The following DNAJA3 variants were observed in gnomAD, a reference collection of about 807,000 sequenced individuals.
DNAJA3 encodes dnaJ homolog subfamily A member 3, mitochondrial.
In DNAJA3, 29 loss-of-function variants were observed where a neutral mutation model predicts 54.9. The ratio of observed to expected loss-of-function variants is 0.53; its 90% CI spans 0.39 to 0.72. DNAJA3 has a LOEUF of 0.72. Among genes scored for constraint, DNAJA3 ranks in the 30% least tolerant of loss-of-function variants. The pLI is 0.00. For synonymous variants in DNAJA3, 302 were observed against 251.4 expected, an observed-to-expected ratio of 1.20 and a Z score of -1.90; for missense variants, 708 against 639.4, an observed-to-expected ratio of 1.11 and a Z score of -1.16.
intron 8 of DNAJA3, 106 bp downstream of exon 8, chr16:4,447,120 TG>T (rs932906969): frequency 1.2e-5 from 16 of 1,370,722 alleles, no homozygotes; most frequent in African/African-American, 4.4e-5. Context: ...GACCAGCATG[TG>T]GGGGGGCACT....
At position 4,455,731 on chromosome 16, in the gene DNAJA3, C is replaced by T. The variant is rs1381597447; in HGVS notation, c.*199C>T. ...CACGGAAAGGTCACAGTGGACAGCC[C>T]GGGCAGTAGGATGCAGCCCCAGAGG... On this transcript the variant is annotated 3_prime_UTR_variant, in exon 12 of 12. Transcript: ENST00000262375. 7 of 768,828 alleles carry T rather than the reference C, an allele frequency of 9.1e-6. No homozygotes were observed. Among genetic ancestry groups the T allele is most frequent in the East Asian group, 5.4e-5 (2 of 37,206 alleles). 47.6% of individuals were successfully genotyped at this position (768,828 alleles called of 1,614,324 possible). A position where few individuals can be genotyped will look rare whatever the true frequency, so the allele number is the denominator to read the frequency against.
In DNAJA3 at chr16:4,425,875, G is replaced by A. The variant is rs2141362331; in HGVS notation, c.-7G>A. 1 of 1,527,096 alleles carries A rather than the reference G, an allele frequency of 6.5e-7. No individual in the cohort carries two copies. Among genetic ancestry groups the A allele is most frequent in the Middle Eastern group, 2.3e-4 (1 of 4,338 alleles). The allele number at this position is 1,527,096 out of a possible 1,614,324, so 94.6% of individuals were successfully genotyped here. ...GGGCGGCGCAGGCGCAGAGTCCCCGGGCCAAGATGGCTGCGCGGTGCTCCA... is the reference window on the plus strand; with the variant it reads ...GGGCGGCGCAGGCGCAGAGTCCCCGAGCCAAGATGGCTGCGCGGTGCTCCA... On this transcript the variant is annotated 5_prime_UTR_variant, in exon 1 of 12. Transcript: ENST00000262375.
rs148256704 is a variant in DNAJA3, at chr16:4,455,693, C to G, written c.*161C>G. ...CCTTGGCAACAGCAAAATCATGGGA[C>G]AACACCTCTCTCCACGGAAAGGTCA... On this transcript the variant is annotated 3_prime_UTR_variant, in exon 12 of 12. Coordinates refer to ENST00000262375, the MANE Select transcript of DNAJA3 (RefSeq NM_005147.6). 10 of 1,063,194 alleles carry G rather than the reference C, an allele frequency of 9.4e-6. No individual in the cohort carries two copies. In the African/African-American group the frequency reaches 1.6e-4, roughly 17 times the overall value. 65.9% of individuals were successfully genotyped at this position (1,063,194 alleles called of 1,614,324 possible).
chr16:4,454,541 C>T (rs1401690461), intron 10 of DNAJA3, among the ~76,000 whole-genome samples: 1 of 152,184 alleles, frequency 6.6e-6, no homozygotes, highest in Non-Finnish European at 1.5e-5. Context: ...TGTCATAGTC[C>T]GTCTCTATTT....
intron 6 of DNAJA3, 133 bp downstream of exon 6, chr16:4,443,297 T>A: frequency 8.6e-7 from 1 of 1,161,906 alleles, no homozygotes; most frequent in Non-Finnish European, 1.2e-6. Flanking sequence ...GTAGAAGTTA[T>A]GGTTGAGGCC....
At position 4,445,944 on chromosome 16, in the gene DNAJA3, G is replaced by T. The variant is rs1045917325; in HGVS notation, c.997-942G>T. 4.7e-5 allele frequency among the ~76,000 whole-genome samples: 7 copies of T among 150,504 alleles called. 1 individual carries two copies. Among genetic ancestry groups the T allele is most frequent in the Admixed American group, 2.7e-4 (4 of 14,982 alleles). On this transcript the variant is annotated intron_variant, in intron 7 of 11. Transcript: ENST00000262375. Reference sequence around the variant, plus strand: ...TTTTTTTCTTTTTTTTTTCTGGAAAGAGAGTCTTGCTCTGTTGCCCAGTCT... The same window carrying T: ...TTTTTTTCTTTTTTTTTTCTGGAAATAGAGTCTTGCTCTGTTGCCCAGTCT...
At chr16:4,435,349 T>C (rs1232678509) in intron 2 of DNAJA3, among the ~76,000 whole-genome samples, 2 of 152,100 alleles carry the variant, frequency 1.3e-5, no homozygotes, top group Non-Finnish European at 2.9e-5. Context: ...AAATCAATAT[T>C]GGAGGCACCA....
intron 11 of DNAJA3, 90 bp downstream of exon 11, chr16:4,455,017 A>C: frequency 1.1e-6 from 1 of 895,718 alleles, no homozygotes. Context: ...TTGTGCCCCC[A>C]CCCCCAGGAG....
In DNAJA3 at chr16:4,456,398, C is replaced by G. The variant is rs2057036142; in HGVS notation, c.*866C>G. On this transcript the variant is annotated 3_prime_UTR_variant, in exon 12 of 12. Coordinates refer to ENST00000262375, the MANE Select transcript of DNAJA3 (RefSeq NM_005147.6). ...TGTTGCTAGTCAGGGGCTTGGTTCTCCCACTTACACTGTTGACATCTATTT... is the reference window on the plus strand; with the variant it reads ...TGTTGCTAGTCAGGGGCTTGGTTCTGCCACTTACACTGTTGACATCTATTT... The G allele has an allele frequency of 6.6e-6, 1 of 152,464 alleles. No individual in the cohort carries two copies. Among genetic ancestry groups the G allele is most frequent in the African/African-American group, 2.4e-5 (1 of 41,452 alleles). 9.4% of individuals were successfully genotyped at this position (152,464 alleles called of 1,614,324 possible). A position where few individuals can be genotyped will look rare whatever the true frequency, so the allele number is the denominator to read the frequency against.
chr16:4,453,340 G>T (rs1372608412), intron 10 of DNAJA3, among the ~76,000 whole-genome samples: 1 of 152,156 alleles, frequency 6.6e-6, no homozygotes, highest in East Asian at 1.9e-4. Flanking sequence ...GGATAAACAG[G>T]TCCATCTTCT....
intron 1 of DNAJA3, among the ~76,000 whole-genome samples, chr16:4,429,090 G>GT (rs1369313543): frequency 6.6e-6 from 1 of 151,718 alleles, no homozygotes; most frequent in African/African-American, 2.4e-5. Flanking sequence ...GAGTTTCACT[G>GT]TGTTAGCCAG....
intron 6 of DNAJA3, among the ~76,000 whole-genome samples, chr16:4,443,687 C>CTTTTTTTTTTTTTT (rs34123742): frequency 6.7e-6 from 1 of 149,108 alleles, no homozygotes. Context: ...CCTCCCTGTT[C>CTTTTTTTTTTTTTT]TTTTTTTTTT....
intron 1 of DNAJA3, chr16:4,432,006 C>G (rs1471271834): frequency 6.6e-6 from 1 of 152,002 alleles, no homozygotes; most frequent in Admixed American, 6.6e-5. Flanking sequence ...TCCTAGGCCC[C>G]ATTAATCGTT....
At position 4,447,025 on chromosome 16, in the gene DNAJA3, G is replaced by T. The variant is rs767912888; in HGVS notation, c.1125+11G>T. 2.5e-6 allele frequency: 4 copies of T among 1,611,646 alleles called. No homozygotes were observed. On this transcript the variant is annotated intron_variant, in intron 8 of 11. Transcript: ENST00000262375. Reference sequence around the variant, plus strand: ...ACGATCAACGTGACGGTAAGAGGGTGTGAGAACACCTTTGTCACCCCTGTA... The same window carrying T: ...ACGATCAACGTGACGGTAAGAGGGTTTGAGAACACCTTTGTCACCCCTGTA...
intron 2 of DNAJA3, among the ~76,000 whole-genome samples, chr16:4,437,006 C>T (rs897275927): frequency 2.0e-5 from 3 of 151,686 alleles, no homozygotes; most frequent in Non-Finnish European, 4.4e-5. Context: ...AATCTCACTC[C>T]GTCACCTAGG....
At chr16:4,429,796 T>C (rs1335452897) in intron 1 of DNAJA3, among the ~76,000 whole-genome samples, 2 of 151,862 alleles carry the variant, frequency 1.3e-5, no homozygotes, top group Non-Finnish European at 2.9e-5. Flanking sequence ...TTAGCGCCAT[T>C]GCACTCCAGC....
chr16:4,455,566 T>G lies in DNAJA3; in HGVS notation c.*34T>G. 6.4e-7 allele frequency: 1 copy of G among 1,551,694 alleles called. No individual in the cohort carries two copies. The highest frequency in any genetic ancestry group is 1.2e-5 in the South Asian group (1 of 84,060). Reference sequence around the variant, plus strand: ...CTCAGGAAAAAGATCCACTGGAAACTAGGCCGGGAAGCAGCAGCCCCTCCA... The same window carrying G: ...CTCAGGAAAAAGATCCACTGGAAACGAGGCCGGGAAGCAGCAGCCCCTCCA... On this transcript the variant is annotated 3_prime_UTR_variant, in exon 12 of 12. Transcript: ENST00000262375.
chr16:4,429,157 G>A, intron 1 of DNAJA3, among the ~76,000 whole-genome samples: 1 of 151,628 alleles, frequency 6.6e-6, no homozygotes, highest in East Asian at 1.9e-4. Context: ...AAAGTGCTGG[G>A]ATTACAGGTG....
chr16:4,455,648 C>T lies in DNAJA3; in HGVS notation c.*116C>T. The T allele has an allele frequency of 1.3e-6, 2 of 1,501,112 alleles. No individual in the cohort carries two copies. Among genetic ancestry groups the T allele is most frequent in the Non-Finnish European group, 1.8e-6 (2 of 1,101,546 alleles). The allele number at this position is 1,501,112 out of a possible 1,614,324, so 93.0% of individuals were successfully genotyped here. A position where few individuals can be genotyped will look rare whatever the true frequency, so the allele number is the denominator to read the frequency against. The stretch of plus-strand genomic sequence containing the variant: ...CCAGAACAGCAGCACTGAGCTCCCA[C>T]CCGCAGAGCCTCTGGACGGCCTTGG... On this transcript the variant is annotated 3_prime_UTR_variant, in exon 12 of 12. Coordinates refer to ENST00000262375, the MANE Select transcript of DNAJA3 (RefSeq NM_005147.6).
Sources: allele counts gnomAD v4.1 joint callset (sites outside exome capture counted in the v4.1 genomes callset), GRCh38; gene constraint gnomAD v4.1.1; transcripts MANE v1.5; gene names NCBI Gene and HGNC (gene_info 2026-07-23, HGNC 2026-07-21).